The following RBSN variants were observed in gnomAD, a reference collection of about 807,000 sequenced individuals.
RBSN encodes the protein rabenosyn, RAB effector.
Under a neutral mutation model 60.5 loss-of-function variants are expected in RBSN, and 34 were observed. That is an observed-to-expected ratio of 0.56 (90% CI 0.43 to 0.75). The LOEUF (loss-of-function observed/expected upper bound fraction) is 0.75. Ranked by LOEUF, RBSN falls within the 30% of genes least tolerant of loss-of-function variation. The probability of loss-of-function intolerance (pLI) is 0.00; values close to 1 mark genes in which losing one functional copy is unlikely to be tolerated. For synonymous variants in RBSN, 322 were observed against 366.9 expected (o/e 0.88, Z 1.40); for missense variants, 845 against 986.8 (o/e 0.86, Z 1.92).
At chr3:15,096,875 A>G (rs966123149) in intron 2 of RBSN, among the ~76,000 whole-genome samples, 165 bp from the exon 3 acceptor site, 5 of 152,308 alleles carry the variant, frequency 3.3e-5, no homozygotes, top group African/African-American at 9.6e-5. Context: ...TGGGCGTACT[A>G]TATTTTCCTT....
Position 15,084,959 on chromosome 3 carries a change from A to C in RBSN, c.436+41T>G, listed in dbSNP as rs374562635. The C allele has an allele frequency of 6.2e-7, 1 of 1,613,960 alleles. No homozygotes were observed. Among genetic ancestry groups the C allele is most frequent in the Non-Finnish European group, 8.5e-7 (1 of 1,179,972 alleles). ...TTAAAGAGAGCTTTGGTCAGGGAAA[A>C]AAAGATAATAAGATGAATGTGAGCA... On this transcript the variant is annotated intron_variant, in intron 7 of 13. Coordinates refer to ENST00000253699, the MANE Select transcript of RBSN (RefSeq NM_022340.4). This position sits in a 1 kb window ranked among gnomAD's most constrained non-coding sequence, Gnocchi z 4.2.
chr3:15,073,884 A>G lies in RBSN; in HGVS notation c.2253T>C (p.Phe751=), dbSNP rs763929314. Residue 751 remains phenylalanine (F), a synonymous_variant, in exon 14 of 14, where the codon TTT becomes TTC. Transcript: ENST00000253699. The part of the protein sequence containing the change: ...QQIDNIKAYI[F]DAKQCGRLDE... ...CCAGGCGGCCGCACTGCTTGGCATC[A>G]AAGATGTATGCCTTGATGTTATCGA... is the stretch of plus-strand genomic sequence containing the variant. 6.2e-7 allele frequency: 1 copy of G among 1,613,992 alleles called. No homozygotes were observed. Among genetic ancestry groups the G allele is most frequent in the Non-Finnish European group, 8.5e-7 (1 of 1,179,990 alleles).
chr3:15,091,894 C>G (rs2043526123), intron 4 of RBSN, among the ~76,000 whole-genome samples: 1 of 152,340 alleles, frequency 6.6e-6, no homozygotes, highest in East Asian at 1.9e-4. Context: ...GGGAAGAATT[C>G]TCAGTTCTAA....
At chr3:15,093,573 T>C (rs900577652) in intron 4 of RBSN, among the ~76,000 whole-genome samples, 13 of 152,172 alleles carry the variant, frequency 8.5e-5, no homozygotes, top group African/African-American at 2.9e-4. Context: ...TTTAAATGAT[T>C]TTTTTGTAGA....
chr3:15,094,985 A>G (rs905792686), intron 4 of RBSN, among the ~76,000 whole-genome samples: 1 of 152,162 alleles, frequency 6.6e-6, no homozygotes, highest in South Asian at 2.1e-4. Flanking sequence ...TAACTACAAA[A>G]TAAGTTCCAG....
Position 15,070,584 on chromosome 3 carries a change from A to C in RBSN, c.*3198T>G, listed in dbSNP as rs2042906821. On this transcript the variant is annotated 3_prime_UTR_variant, in exon 14 of 14. Coordinates refer to ENST00000253699, the MANE Select transcript of RBSN (RefSeq NM_022340.4). ...GGTAAGAACTTGAAGTTGTGGTTAT[A>C]ATACATAGGCCAAGTTTGCCTGCTG... 1.3e-5 allele frequency: 2 copies of C among 152,654 alleles called. No individual in the cohort carries two copies. The highest frequency in any genetic ancestry group is 2.4e-5 in the African/African-American group (1 of 41,452). 9.5% of individuals were successfully genotyped at this position (152,654 alleles called of 1,614,324 possible).
chr3:15,085,287 G>C (rs998534343), intron 6 of RBSN, among the ~76,000 whole-genome samples: 5 of 152,114 alleles, frequency 3.3e-5, no homozygotes, highest in Admixed American at 6.6e-5. Flanking sequence ...ACCCATTTTA[G>C]CAATAACCAG....
intron 5 of RBSN, among the ~76,000 whole-genome samples, chr3:15,088,369 G>A (rs1212200186): frequency 6.6e-6 from 1 of 150,778 alleles, no homozygotes; most frequent in Non-Finnish European, 1.5e-5. Context: ...AATTACATAT[G>A]TATAGTATTA....
Position 15,095,587 on chromosome 3 carries a change from A to G in RBSN, c.148+386T>C. ...TTTGTGACAGGTAAAATGGGTGCAT[A>G]ATGTGCCTCCATCATCATAGCAAAG... On this transcript the variant is annotated intron_variant, in intron 4 of 13. Coordinates refer to ENST00000253699, the MANE Select transcript of RBSN (RefSeq NM_022340.4). The G allele has an allele frequency of 8.5e-6, 3 of 351,760 alleles. No homozygotes were observed. In the Admixed American group the frequency reaches 1.3e-4, roughly 16 times the overall value. The allele number at this position is 351,760 out of a possible 1,614,324, so 21.8% of individuals were successfully genotyped here. A position where few individuals can be genotyped will look rare whatever the true frequency, so the allele number is the denominator to read the frequency against.
rs890799779 is a variant in RBSN, at chr3:15,071,758, C to G, written c.*2024G>C. On this transcript the variant is annotated 3_prime_UTR_variant, in exon 14 of 14. Transcript: ENST00000253699. ...TCCCATTATCAAGAGGGGTCTTCACCAGAATGTAACAAAATGAATTTCAGC... is the reference window on the plus strand; with the variant it reads ...TCCCATTATCAAGAGGGGTCTTCACGAGAATGTAACAAAATGAATTTCAGC... The G allele has an allele frequency of 3.3e-5, 5 of 152,572 alleles. No homozygotes were observed. Among genetic ancestry groups the G allele is most frequent in the African/African-American group, 1.2e-4 (5 of 41,430 alleles). The allele number at this position is 152,572 out of a possible 1,614,324, so 9.5% of individuals were successfully genotyped here. A position where few individuals can be genotyped will look rare whatever the true frequency, so the allele number is the denominator to read the frequency against.
chr3:15,096,197 G>T lies in RBSN; in HGVS notation c.-77C>A. The T allele has an allele frequency of 1.4e-6, 2 of 1,471,872 alleles. No individual in the cohort carries two copies. The highest frequency in any genetic ancestry group is 2.8e-5 in the South Asian group (2 of 70,252). The allele number at this position is 1,471,872 out of a possible 1,614,324, so 91.2% of individuals were successfully genotyped here. A position where few individuals can be genotyped will look rare whatever the true frequency, so the allele number is the denominator to read the frequency against. On this transcript the variant is annotated 5_prime_UTR_variant, in exon 4 of 14. Coordinates refer to ENST00000253699, the MANE Select transcript of RBSN (RefSeq NM_022340.4). ...GCTTGATTCCTCCCAAGGAACCATG[G>T]TTCCCGCAGCATTAGCTTAAGCAGC...
intron 10 of RBSN, among the ~76,000 whole-genome samples, chr3:15,080,023 T>C (rs2043163976): frequency 6.6e-6 from 1 of 152,124 alleles, no homozygotes; most frequent in Non-Finnish European, 1.5e-5. Context: ...GGCGGGTGGA[T>C]CACGAGGTCA....
At chr3:15,090,958 TCA>T (rs72452701) in intron 4 of RBSN, among the ~76,000 whole-genome samples, 2,071 of 152,122 alleles carry the variant, frequency 0.014, 47 homozygotes, top group African/African-American at 0.047. Flanking sequence ...GCGCAGTGGC[TCA>T]CACCTGTAAT....
In RBSN at chr3:15,082,551, G is replaced by T; in HGVS notation, c.656C>A (p.Ser219Ter). Residue 219 changes from serine to a stop codon, truncating the protein, a stop_gained, in exon 9 of 14, where the codon TCA (serine) becomes TAA (stop). Transcript: ENST00000253699. LOFTEE classifies it high-confidence loss of function. This position sits in a 1 kb window ranked among gnomAD's most constrained non-coding sequence, Gnocchi z 4.2. The part of the protein sequence containing the change: ...SLSTHTSPSQ[S>*]PNSVHGSRRG... The stretch of plus-strand genomic sequence containing the variant: ...GCGGGAGCCATGGACACTGTTGGGT[G>T]ACTGGCTGGGGCTGGTGTGGGTGCT... The T allele has an allele frequency of 6.2e-7, 1 of 1,614,182 alleles. No homozygotes were observed. Among genetic ancestry groups the T allele is most frequent in the Non-Finnish European group, 8.5e-7 (1 of 1,180,028 alleles).
In RBSN at chr3:15,082,571, G is replaced by C. The variant is rs542930827; in HGVS notation, c.636C>G (p.Thr212=). 6.2e-7 allele frequency: 1 copy of C among 1,614,132 alleles called. No homozygotes were observed. Among genetic ancestry groups the C allele is most frequent in the Non-Finnish European group, 8.5e-7 (1 of 1,180,020 alleles). Residue 212 remains threonine (T), a synonymous_variant, in exon 9 of 14, where the codon ACC becomes ACG. Transcript: ENST00000253699. This position sits in a 1 kb window ranked among gnomAD's most constrained non-coding sequence, Gnocchi z 4.2. ...LTSASKESLS[T]HTSPSQSPNS... ...TGGGTGACTGGCTGGGGCTGGTGTG[G>C]GTGCTCAGGGACTCCTTGCTGGCAC...
chr3:15,089,456 C>CAAAAAAAAAAAAAA (rs757156425), intron 5 of RBSN, among the ~76,000 whole-genome samples: 62 of 31,246 alleles, frequency 2.0e-3, no homozygotes, highest in Non-Finnish European at 2.7e-3. Context: ...ACTCCATCTC[C>CAAAAAAAAAAAAAA]AAAAAAAAAA....
Position 15,082,731 on chromosome 3 carries a change from T to C in RBSN, c.599-123A>G. 1.4e-6 allele frequency: 2 copies of C among 1,401,200 alleles called. No homozygotes were observed. Among genetic ancestry groups the C allele is most frequent in the South Asian group, 1.4e-5 (1 of 71,212 alleles). 86.8% of individuals were successfully genotyped at this position (1,401,200 alleles called of 1,614,324 possible). A position where few individuals can be genotyped will look rare whatever the true frequency, so the allele number is the denominator to read the frequency against. The stretch of plus-strand genomic sequence containing the variant: ...GAGTAATAAGATCAGGCTCCAGCTG[T>C]GGGCACGTACTGCCCCTCTGCCTTC... On this transcript the variant is annotated intron_variant, in intron 8 of 13. Coordinates refer to ENST00000253699, the MANE Select transcript of RBSN (RefSeq NM_022340.4). This position sits in a 1 kb window ranked among gnomAD's most constrained non-coding sequence, Gnocchi z 4.2.
chr3:15,079,596 C>T (rs1216755108), intron 10 of RBSN, among the ~76,000 whole-genome samples: 2 of 152,204 alleles, frequency 1.3e-5, no homozygotes, highest in Non-Finnish European at 2.9e-5. Flanking sequence ...GCAATGCATT[C>T]ATACAGATGG....
chr3:15,088,417 T>C (rs570871057), intron 5 of RBSN, among the ~76,000 whole-genome samples: 3 of 152,124 alleles, frequency 2.0e-5, no homozygotes, highest in Admixed American at 2.0e-4. Flanking sequence ...TCTCGCTCTG[T>C]CACCCAGGCT....
Sources: gnomAD v4.1 joint callset for allele counts (sites outside exome capture counted in the v4.1 genomes callset) on GRCh38, gnomAD v4.1.1 for gene constraint, Gnocchi (gnomAD v3.1) non-coding constraint, MANE v1.5 for transcripts, NCBI Gene and HGNC (gene_info 2026-07-23, HGNC 2026-07-21) for gene names.